The following NPNT variants were observed in gnomAD, a reference collection of about 807,000 sequenced individuals.
NPNT encodes nephronectin.
In NPNT, 45 loss-of-function variants were observed where a neutral mutation model predicts 68.6. That is an observed-to-expected ratio of 0.66 (90% CI 0.52 to 0.84). NPNT has a LOEUF of 0.84. NPNT is among the 40% of genes least tolerant of loss of function. NPNT has a pLI of 0.00. For missense variants in NPNT, 672 were observed against 714.8 expected (o/e 0.94, Z 0.68); for synonymous variants, 233 against 253.3 (o/e 0.92, Z 0.76).
At chr4:105,905,168 G>C (rs1233544531) in intron 2 of NPNT, among the ~76,000 whole-genome samples, 1 of 151,230 alleles carries the variant, frequency 6.6e-6, no homozygotes, top group Non-Finnish European at 1.5e-5. Context: ...ATGATAAAAA[G>C]ATTTTCAGGA....
chr4:105,970,137 C>A lies in NPNT; in HGVS notation c.*1147C>A. On this transcript the variant is annotated 3_prime_UTR_variant, in exon 12 of 12. Transcript: ENST00000379987. ...CATAACTTATGTTGCTCATGTTGTG[C>A]TGTGTCAGGATGGGATAGGAAGCAA... 2.3e-6 allele frequency: 1 copy of A among 438,482 alleles called. No individual in the cohort carries two copies. The highest frequency in any genetic ancestry group is 2.0e-5 in the African/African-American group (1 of 50,774). 27.2% of individuals were successfully genotyped at this position (438,482 alleles called of 1,614,324 possible). A position where few individuals can be genotyped will look rare whatever the true frequency, so the allele number is the denominator to read the frequency against.
At position 105,970,622 on chromosome 4, in the gene NPNT, A is replaced by T; in HGVS notation, c.*1632A>T. ...AAGGGAGCATTTCTTGGCAGGGGCC[A>T]TTGTTAGAATACTTCATAAAAAAAG... On this transcript the variant is annotated 3_prime_UTR_variant, in exon 12 of 12. Coordinates refer to ENST00000379987, the MANE Select transcript of NPNT (RefSeq NM_001033047.3). 1 of 646,702 alleles carries T rather than the reference A, an allele frequency of 1.5e-6. No individual in the cohort carries two copies. The highest frequency in any genetic ancestry group is 2.9e-5 in the East Asian group (1 of 34,538). The allele number at this position is 646,702 out of a possible 1,614,324, so 40.1% of individuals were successfully genotyped here.
At chr4:105,898,524 T>C (rs900393400) in intron 2 of NPNT, among the ~76,000 whole-genome samples, 1 of 152,194 alleles carries the variant, frequency 6.6e-6, no homozygotes, top group African/African-American at 2.4e-5. Flanking sequence ...ATCCTCACCA[T>C]AGCTGTTGTG....
chr4:105,935,044 A>G (rs997488335), intron 3 of NPNT, among the ~76,000 whole-genome samples: 8 of 152,200 alleles, frequency 5.3e-5, no homozygotes, highest in African/African-American at 1.9e-4. Context: ...TTCCATCAGC[A>G]TAAATACTCC....
At chr4:105,932,967 G>A (rs1410078840) in intron 3 of NPNT, among the ~76,000 whole-genome samples, 1 of 152,104 alleles carries the variant, frequency 6.6e-6, no homozygotes, top group Non-Finnish European at 1.5e-5. Context: ...AAAACAGATA[G>A]CAAAACAACT....
rs552176026 is a variant in NPNT, at chr4:105,932,746, A to G, written c.266-4263A>G. ...CAGGTGGTCTGCTCTTCCCACCTGC[A>G]TGGCTTCCTGCAGTTATGTCACTTC... is the stretch of plus-strand genomic sequence containing the variant. On this transcript the variant is annotated intron_variant, in intron 3 of 11. Transcript: ENST00000379987. 42 of 1,288,824 alleles carry G rather than the reference A, an allele frequency of 3.3e-5. No homozygotes were observed. The African/African-American group carries it at 5.3e-4, about 16-fold the overall frequency. 79.8% of individuals were successfully genotyped at this position (1,288,824 alleles called of 1,614,324 possible). A position where few individuals can be genotyped will look rare whatever the true frequency, so the allele number is the denominator to read the frequency against.
intron 3 of NPNT, among the ~76,000 whole-genome samples, chr4:105,932,960 A>G (rs1729230124): frequency 6.6e-6 from 1 of 152,196 alleles, no homozygotes; most frequent in Admixed American, 6.5e-5. Context: ...TGTTCTAAAA[A>G]CAGATAGCAA....
At chr4:105,918,169 C>T (rs1560900455) in intron 2 of NPNT, among the ~76,000 whole-genome samples, 1 of 152,122 alleles carries the variant, frequency 6.6e-6, no homozygotes. Flanking sequence ...CTTTAGAAAA[C>T]AAATAAGCAA....
chr4:105,938,295 TTCCAGGTGCCCTGACCTGC>T lies in NPNT; in HGVS notation c.386-1_403del. On this transcript the variant is annotated splice_acceptor_variant and splice_polypyrimidine_tract_variant and coding_sequence_variant and intron_variant, in exon 5 of 12. Transcript: ENST00000379987. LOFTEE classifies it high-confidence loss of function. ...TGTCTGAGTCAGCCAGTCACTCTCT[TTCCAGGTGCCCTGACCTGC>T]TCCATGGCAAACTGTCAGTATGGCT... The T allele has an allele frequency of 2.5e-6, 4 of 1,612,196 alleles. No homozygotes were observed. The highest frequency in any genetic ancestry group is 3.4e-6 in the Non-Finnish European group (4 of 1,179,250).
chr4:105,943,176 A>G (rs544799164), intron 8 of NPNT, among the ~76,000 whole-genome samples: 1 of 152,256 alleles, frequency 6.6e-6, no homozygotes, highest in Non-Finnish European at 1.5e-5. Flanking sequence ...CTCAGAAGAT[A>G]CCAGTGGTAG....
chr4:105,922,931 G>A (rs1043019756), intron 2 of NPNT, among the ~76,000 whole-genome samples: 2 of 152,154 alleles, frequency 1.3e-5, no homozygotes, highest in Non-Finnish European at 2.9e-5. Flanking sequence ...TTGGATGCTA[G>A]TGATAGCAGA....
At chr4:105,933,739 T>A (rs1162725869) in intron 3 of NPNT, among the ~76,000 whole-genome samples, 1 of 152,168 alleles carries the variant, frequency 6.6e-6, no homozygotes, top group African/African-American at 2.4e-5. Context: ...AATTTCTGAT[T>A]TTTTTCCTGA....
rs1560923756 is a variant in NPNT, at chr4:105,942,095, ATGTGTGTGTC to A, written c.764-202_764-193del. 2.0e-5 allele frequency among the ~76,000 whole-genome samples: 3 copies of A among 149,630 alleles called. No individual in the cohort carries two copies. In the East Asian group the frequency reaches 5.8e-4, roughly 29 times the overall value. ...CCAAAGGATGAATATATGAATATAT[ATGTGTGTGTC>A]TGTGTGTGTGTATATATATATATAT... is the stretch of plus-strand genomic sequence containing the variant. On this transcript the variant is annotated intron_variant, in intron 7 of 11. Transcript: ENST00000379987.
At chr4:105,940,367 C>T in intron 6 of NPNT, 147 bp from the exon 7 acceptor site, 2 of 1,019,276 alleles carry the variant, frequency 2.0e-6, no homozygotes, top group Non-Finnish European at 2.9e-6. Context: ...TCTCAGTCTA[C>T]ATGTAGTTTA....
intron 3 of NPNT, among the ~76,000 whole-genome samples, chr4:105,935,328 A>G (rs1455449901): frequency 6.6e-6 from 1 of 152,200 alleles, no homozygotes; most frequent in Non-Finnish European, 1.5e-5. Context: ...TATAATATCA[A>G]GAAGATTTAT....
intron 2 of NPNT, among the ~76,000 whole-genome samples, chr4:105,922,147 G>T (rs980572992): frequency 3.3e-5 from 5 of 151,986 alleles, no homozygotes; most frequent in African/African-American, 9.7e-5. Flanking sequence ...CTACCATTGA[G>T]ATTGGATTGG....
At chr4:105,924,359 G>A (rs1016979049) in intron 2 of NPNT, among the ~76,000 whole-genome samples, 2 of 152,078 alleles carry the variant, frequency 1.3e-5, no homozygotes, top group Non-Finnish European at 1.5e-5. Context: ...AGATAACTTT[G>A]TGCTATATAG....
rs1181983535 is a variant in NPNT, at chr4:105,895,520, C to G, written c.-133C>G. The G allele has an allele frequency of 1.4e-6, 1 of 702,762 alleles. No individual in the cohort carries two copies. The highest frequency in any genetic ancestry group is 2.3e-6 in the Non-Finnish European group (1 of 430,778). 43.5% of individuals were successfully genotyped at this position (702,762 alleles called of 1,614,324 possible). ...GCGCCTCGCCGCTGTCCTCCGGGAG[C>G]GGCAGCAGTAGCCCGGGCGGCGAGG... On this transcript the variant is annotated 5_prime_UTR_variant, in exon 1 of 12. Transcript: ENST00000379987.
chr4:105,968,956 G>A lies in NPNT; in HGVS notation c.1664G>A (p.Ser555Asn), dbSNP rs1486575590. 4.3e-6 allele frequency: 7 copies of A among 1,612,978 alleles called. No individual in the cohort carries two copies. Among genetic ancestry groups the A allele is most frequent in the Non-Finnish European group, 5.9e-6 (7 of 1,179,226 alleles). Reference sequence around the variant, plus strand: ...GGGGAGATTGGATTAGATGATGTGAGCTTGAAAAAAGGCCACTGCTCTGAA... The same window carrying A: ...GGGGAGATTGGATTAGATGATGTGAACTTGAAAAAAGGCCACTGCTCTGAA... ...HTGEIGLDDV[S>N]LKKGHCSEER Residue 555 changes from serine (S) to asparagine (N), a missense_variant, in exon 12 of 12, where the codon AGC becomes AAC. Coordinates refer to ENST00000379987, the MANE Select transcript of NPNT (RefSeq NM_001033047.3).
Sources: gnomAD v4.1 joint callset for allele counts (sites outside exome capture counted in the v4.1 genomes callset) on GRCh38, gnomAD v4.1.1 for gene constraint, MANE v1.5 for transcripts, NCBI Gene and HGNC (gene_info 2026-07-23, HGNC 2026-07-21) for gene names.